AZI2: variants seen among roughly 807,000 people sequenced by gnomAD.
AZI2 encodes the protein 5-azacytidine-induced protein 2.
Under a neutral mutation model 45.8 loss-of-function variants are expected in AZI2, and 22 were observed. The ratio of observed to expected loss-of-function variants is 0.48; its 90% CI spans 0.34 to 0.69. AZI2 has a LOEUF of 0.69. Ranked by LOEUF, AZI2 falls within the 30% of genes least tolerant of loss-of-function variation. AZI2 has a pLI of 0.01. For synonymous variants in AZI2, 137 were observed against 156.7 expected, an observed-to-expected ratio of 0.87 and a Z score of 0.94; for missense variants, 417 against 441.5, an observed-to-expected ratio of 0.94 and a Z score of 0.50.
Position 28,336,817 on chromosome 3 carries a change from G to C in AZI2, c.508C>G (p.His170Asp), listed in dbSNP as rs1677968048. The change falls in exon 5 of 8, where the codon CAT becomes GAT. Residue 170 changes from histidine to aspartate, a missense_variant. His to Asp is a moderately conservative substitution (Grantham distance 81). Coordinates refer to ENST00000479665, the MANE Select transcript of AZI2 (RefSeq NM_022461.5). Reference protein sequence around the residue: ...VEKLSCDLKIHGLEQELELMR... With the variant: ...VEKLSCDLKIDGLEQELELMR... The stretch of plus-strand genomic sequence containing the variant: ...AGTTCCAGCTCTTGTTCCAAACCAT[G>C]GATCTTCAGGTCACAGCTCAACTTT... 6.2e-7 allele frequency: 1 copy of C among 1,613,164 alleles called. No homozygotes were observed. The highest frequency in any genetic ancestry group is 1.3e-5 in the African/African-American group (1 of 74,834).
chr3:28,338,187 C>A, intron 3 of AZI2, 151 bp from the exon 4 acceptor site: 1 of 493,668 alleles, frequency 2.0e-6, no homozygotes, highest in Non-Finnish European at 3.4e-6. Flanking sequence ...GTCTTTTTTT[C>A]TTTTCCTAAT....
chr3:28,327,023 T>C (rs551709265), intron 6 of AZI2, 73 bp from the exon 7 acceptor site: 2 of 1,038,704 alleles, frequency 1.9e-6, no homozygotes, highest in East Asian at 5.2e-5. Flanking sequence ...ACTTTAGAAA[T>C]ATGCAGATCA....
At chr3:28,334,906 G>A (rs1182457335) in intron 5 of AZI2, among the ~76,000 whole-genome samples, 4 of 151,800 alleles carry the variant, frequency 2.6e-5, no homozygotes, top group Non-Finnish European at 5.9e-5. Flanking sequence ...AATATATTAA[G>A]TCCTGTAAGC....
chr3:28,337,865 C>A, intron 4 of AZI2, 72 bp downstream of exon 4: 1 of 960,706 alleles, frequency 1.0e-6, no homozygotes, highest in Non-Finnish European at 1.5e-6. Flanking sequence ...ATACAGAAAA[C>A]TGTTGATATT....
At chr3:28,329,271 G>A (rs1703493305) in intron 6 of AZI2, among the ~76,000 whole-genome samples, 1 of 151,146 alleles carries the variant, frequency 6.6e-6, no homozygotes, top group South Asian at 2.1e-4. Context: ...GAAATGGGTT[G>A]AGAAGTCTAC....
At chr3:28,340,143 G>A (rs1357658021) in intron 2 of AZI2, among the ~76,000 whole-genome samples, 1 of 151,594 alleles carries the variant, frequency 6.6e-6, no homozygotes, top group African/African-American at 2.4e-5. Flanking sequence ...AGCTATGGAG[G>A]TAAGTAAACC....
intron 6 of AZI2, among the ~76,000 whole-genome samples, chr3:28,329,946 T>G (rs1322066438): frequency 6.6e-6 from 1 of 151,312 alleles, no homozygotes; most frequent in African/African-American, 2.4e-5. Flanking sequence ...ATGCTTATTA[T>G]AACTAATAAA....
intron 1 of AZI2, among the ~76,000 whole-genome samples, chr3:28,347,896 C>T (rs1041346115): frequency 6.6e-6 from 1 of 152,224 alleles, no homozygotes; most frequent in African/African-American, 2.4e-5. Context: ...AAAATGTCTT[C>T]TACACATAAG....
chr3:28,348,186 G>T (rs1018761216), intron 1 of AZI2: 7 of 152,214 alleles, frequency 4.6e-5, no homozygotes, highest in Non-Finnish European at 7.3e-5. Context: ...CAAGTGCAGG[G>T]GGTCGATATT....
chr3:28,331,678 A>G, intron 6 of AZI2: 2 of 1,289,366 alleles, frequency 1.6e-6, no homozygotes, highest in Non-Finnish European at 9.9e-7. Context: ...GCCAAATGAT[A>G]AAACAATGAA....
At chr3:28,332,218 C>A in intron 6 of AZI2, 151 bp downstream of exon 6, 1 of 655,750 alleles carries the variant, frequency 1.5e-6, no homozygotes. Flanking sequence ...TTTTATTCTA[C>A]AAATTTATTG....
At position 28,322,511 on chromosome 3, in the gene AZI2, T is replaced by C. The variant is rs1211494831; in HGVS notation, c.*1531A>G. The C allele has an allele frequency of 2.0e-5, 3 of 151,690 alleles. No homozygotes were observed. The highest frequency in any genetic ancestry group is 4.8e-5 in the African/African-American group (2 of 41,332). 9.4% of individuals were successfully genotyped at this position (151,690 alleles called of 1,614,324 possible). ...GCAAACCAGTAAGCTACATTAGAGA[T>C]CAGATATAATATACAGCCTATGCAG... On this transcript the variant is annotated 3_prime_UTR_variant, in exon 8 of 8. Transcript: ENST00000479665.
intron 6 of AZI2, among the ~76,000 whole-genome samples, chr3:28,329,446 A>AT (rs1703497859): frequency 6.6e-6 from 1 of 151,202 alleles, no homozygotes; most frequent in African/African-American, 2.4e-5. Context: ...TTCTCAGTAT[A>AT]AAACTTCACA....
rs1225548299 is a variant in AZI2 at position 28,323,417 on chromosome 3, T to A, written c.*625A>T. 6.6e-6 allele frequency: 1 copy of A among 150,658 alleles called. No homozygotes were observed. The highest frequency in any genetic ancestry group is 3.4e-3 in the Middle Eastern group (1 of 294). The allele number at this position is 150,658 out of a possible 1,614,324, so 9.3% of individuals were successfully genotyped here. On this transcript the variant is annotated 3_prime_UTR_variant, in exon 8 of 8. Transcript: ENST00000479665. The stretch of plus-strand genomic sequence containing the variant: ...TGTGCTGGGACAAAGTTGGCTTCAG[T>A]GATCAGGTTGTTTCAAGTCTTAGAA...
At position 28,324,094 on chromosome 3, in the gene AZI2, G is replaced by A. The variant is rs551633836; in HGVS notation, c.1127C>T (p.Pro376Leu). 6.2e-7 allele frequency: 1 copy of A among 1,610,006 alleles called. No homozygotes were observed. Among genetic ancestry groups the A allele is most frequent in the Admixed American group, 1.7e-5 (1 of 59,760 alleles). ...ATGTTGATCCAAGTAATGCAGTGGT[G>A]GAAGGTTGGGTAAAGGCAAAGTTTT... is the stretch of plus-strand genomic sequence containing the variant. ...KTKTLPLPNL[P>L]PLHYLDQHNQ... The change falls in exon 8 of 8, where the codon CCA (proline) becomes CTA (leucine). Residue 376 changes from proline to leucine, a missense_variant. Coordinates refer to ENST00000479665, the MANE Select transcript of AZI2 (RefSeq NM_022461.5).
chr3:28,347,076 T>TA (rs1419432380), intron 1 of AZI2, among the ~76,000 whole-genome samples: 2 of 152,168 alleles, frequency 1.3e-5, no homozygotes, highest in African/African-American at 4.8e-5. Flanking sequence ...GTAATACCTC[T>TA]AATGCAACTA....
chr3:28,343,560 G>C (rs890629094), intron 1 of AZI2, among the ~76,000 whole-genome samples: 1 of 151,828 alleles, frequency 6.6e-6, no homozygotes, highest in Admixed American at 6.6e-5. Context: ...TTCACAACCA[G>C]TGAACTACTT....
At position 28,336,725 on chromosome 3, in the gene AZI2, A is replaced by C. The variant is rs1264471888; in HGVS notation, c.588+12T>G. The C allele has an allele frequency of 1.9e-6, 3 of 1,606,984 alleles. No individual in the cohort carries two copies. The highest frequency in any genetic ancestry group is 2.7e-5 in the African/African-American group (2 of 74,846). On this transcript the variant is annotated intron_variant, in intron 5 of 7. Transcript: ENST00000479665. ...AAATACTGAAATTCTCAATTTAATAATTCTGTAATACCGTTTGTTTGGCTT... is the reference window on the plus strand; with the variant it reads ...AAATACTGAAATTCTCAATTTAATACTTCTGTAATACCGTTTGTTTGGCTT...
intron 6 of AZI2, among the ~76,000 whole-genome samples, chr3:28,330,982 T>G (rs767941880): frequency 2.6e-4 from 40 of 151,398 alleles, no homozygotes; most frequent in Non-Finnish European, 5.2e-4. Context: ...AAATATCTCC[T>G]TGGGACTCAA....
Sources: allele counts gnomAD v4.1 joint callset (sites outside exome capture counted in the v4.1 genomes callset), GRCh38; gene constraint gnomAD v4.1.1; transcripts MANE v1.5; gene names NCBI Gene and HGNC (gene_info 2026-07-23, HGNC 2026-07-21).